Variants in WWOX observed in about 807,000 individuals in gnomAD.
WWOX encodes the protein WW domain containing oxidoreductase, also known as WW domain-containing oxidoreductase.
A neutral mutation model predicts 46.2 loss-of-function variants in WWOX; 69 were observed. That is an observed-to-expected ratio of 1.49 (90% CI 1.23 to 1.82). The LOEUF is 1.82. WWOX is among the 40% of genes most tolerant of loss of function. WWOX has a pLI of 0.00. For missense variants in WWOX, 919 were observed against 542.6 expected (o/e 1.69, Z -6.89); for synonymous variants, 359 against 202.6 (o/e 1.77, Z -6.56).
intron 8 of WWOX, among the ~76,000 whole-genome samples, chr16:78,595,460 G>A (rs1030725113): frequency 2.0e-5 from 3 of 152,164 alleles, no homozygotes; most frequent in African/African-American, 4.8e-5. Flanking sequence ...CCAAAGATCC[G>A]CCATGTCTTT....
intron 5 of WWOX, among the ~76,000 whole-genome samples, chr16:78,344,779 T>C (rs1014849269): frequency 8.2e-6 from 1 of 122,020 alleles, no homozygotes; most frequent in Non-Finnish European, 2.0e-5. Flanking sequence ...AGCTGTACTT[T>C]CTCACTTGTT....
intron 8 of WWOX, among the ~76,000 whole-genome samples, chr16:78,922,983 T>TCTTTTTTC (rs1177595566): frequency 8.8e-5 from 9 of 102,802 alleles, no homozygotes; most frequent in Admixed American, 1.8e-4. Context: ...CTTTCTCTTT[T>TCTTTTTTC]CTTTTTTTTT....
At chr16:78,415,152 C>G (rs2082769443) in intron 6 of WWOX, among the ~76,000 whole-genome samples, 2 of 150,614 alleles carry the variant, frequency 1.3e-5, no homozygotes, top group South Asian at 4.2e-4. Context: ...GTAGATTACT[C>G]ATGAGTTTTC....
chr16:78,307,319 A>T (rs1440362973), intron 5 of WWOX, among the ~76,000 whole-genome samples: 2 of 152,168 alleles, frequency 1.3e-5, no homozygotes, highest in African/African-American at 4.8e-5. Flanking sequence ...ATGTTGCTTT[A>T]TGTGGCAAAA....
intron 8 of WWOX, among the ~76,000 whole-genome samples, chr16:78,629,580 C>A (rs2046381440): frequency 6.6e-6 from 1 of 152,164 alleles, no homozygotes; most frequent in South Asian, 2.1e-4. Context: ...CCTGCAAGAC[C>A]CCTGCCAACC....
intron 8 of WWOX, among the ~76,000 whole-genome samples, chr16:78,668,622 TGAA>T (rs1250625338): frequency 6.6e-6 from 1 of 151,880 alleles, no homozygotes; most frequent in Admixed American, 6.6e-5. Context: ...GGGGAACAGG[TGAA>T]GGAGTGACAG....
At chr16:78,805,014 A>G (rs914338002) in intron 8 of WWOX, among the ~76,000 whole-genome samples, 4 of 152,254 alleles carry the variant, frequency 2.6e-5, no homozygotes, top group East Asian at 1.9e-4. Context: ...GAAGCTTTGC[A>G]TGAGCAAAAT....
intron 6 of WWOX, among the ~76,000 whole-genome samples, chr16:78,415,690 G>C (rs973172692): frequency 6.6e-6 from 1 of 152,122 alleles, no homozygotes; most frequent in African/African-American, 2.4e-5. Flanking sequence ...GGGATCTTGA[G>C]GGGTTAAAAA....
chr16:78,640,617 A>G (rs918004879), intron 8 of WWOX, among the ~76,000 whole-genome samples: 1 of 152,106 alleles, frequency 6.6e-6, no homozygotes, highest in Non-Finnish European at 1.5e-5. Context: ...CATCCTGCAC[A>G]TTGTACCCTG....
intron 8 of WWOX, among the ~76,000 whole-genome samples, chr16:78,893,040 C>G (rs940636567): frequency 2.0e-5 from 3 of 152,136 alleles, no homozygotes; most frequent in African/African-American, 7.2e-5. Flanking sequence ...CAGGGGTCCT[C>G]AAAGCAGACC....
chr16:78,692,062 C>T (rs1359046327), intron 8 of WWOX, among the ~76,000 whole-genome samples: 1 of 152,166 alleles, frequency 6.6e-6, no homozygotes, highest in African/African-American at 2.4e-5. Flanking sequence ...CTGAGGCCTC[C>T]CCAGCCATGT....
At chr16:78,871,283 C>G (rs901747178) in intron 8 of WWOX, among the ~76,000 whole-genome samples, 2 of 151,884 alleles carry the variant, frequency 1.3e-5, no homozygotes, top group Non-Finnish European at 2.9e-5. Context: ...ATTCTTATAA[C>G]CTGTATGCAC....
chr16:78,862,043 A>G (rs907533024), intron 8 of WWOX, among the ~76,000 whole-genome samples: 4 of 144,582 alleles, frequency 2.8e-5, no homozygotes, highest in South Asian at 4.2e-4. Flanking sequence ...ACATGTATCT[A>G]TTATATATAT....
chr16:78,551,076 A>T (rs867655553), intron 8 of WWOX: 5 of 152,346 alleles, frequency 3.3e-5, no homozygotes, highest in Middle Eastern at 3.4e-3. Flanking sequence ...TGAAACAAAT[A>T]TCATGAATAT....
intron 6 of WWOX, among the ~76,000 whole-genome samples, chr16:78,417,766 T>G (rs756517900): frequency 6.6e-6 from 1 of 152,192 alleles, no homozygotes; most frequent in African/African-American, 2.4e-5. Flanking sequence ...GATTTCTGCC[T>G]ATCTCTTCAC....
chr16:79,133,991 G>C (rs909241768), intron 8 of WWOX, among the ~76,000 whole-genome samples: 5 of 152,172 alleles, frequency 3.3e-5, no homozygotes, highest in South Asian at 2.1e-4. Context: ...ATGTGAGCCA[G>C]GATCTCATGC....
intron 8 of WWOX, among the ~76,000 whole-genome samples, chr16:79,098,324 G>T (rs1230233864): frequency 6.6e-6 from 1 of 152,186 alleles, no homozygotes; most frequent in East Asian, 1.9e-4. Context: ...CAGACAGTGG[G>T]GATTGAACAC....
At chr16:78,443,003 G>A (rs191062014) in intron 8 of WWOX, among the ~76,000 whole-genome samples, 181 of 152,006 alleles carry the variant, frequency 1.2e-3, no homozygotes, top group African/African-American at 4.1e-3. Flanking sequence ...GGGCGCGGTC[G>A]TGGGTGCCTG....
At chr16:78,880,156 G>A (rs72804715) in intron 8 of WWOX, among the ~76,000 whole-genome samples, 7,120 of 152,220 alleles carry the variant, frequency 0.047, 239 homozygotes, top group Non-Finnish European at 0.069. Flanking sequence ...CAGAGATGTT[G>A]GATCAAATCA....
Sources: gnomAD v4.1 joint callset for allele counts (sites outside exome capture counted in the v4.1 genomes callset) on GRCh38, gnomAD v4.1.1 for gene constraint, MANE v1.5 for transcripts, NCBI Gene and HGNC (gene_info 2026-07-23, HGNC 2026-07-21) for gene names.